INPP4B: variants seen among roughly 807,000 people sequenced by gnomAD.
INPP4B encodes inositol polyphosphate-4-phosphatase type II B, also known as inositol polyphosphate 4-phosphatase type II.
Under a neutral mutation model 122.5 loss-of-function variants are expected in INPP4B, and 55 were observed. The ratio of observed to expected loss-of-function variants is 0.45; its 90% CI spans 0.36 to 0.56. The LOEUF (loss-of-function observed/expected upper bound fraction) is 0.56, where lower values mean the gene tolerates loss of function less well. Among genes scored for constraint, INPP4B ranks in the 20% least tolerant of loss-of-function variants. The probability of loss-of-function intolerance (pLI) is 0.00; values close to 1 mark genes in which losing one functional copy is unlikely to be tolerated. For synonymous variants in INPP4B, 403 were observed against 388.7 expected (o/e 1.04, Z -0.43); for missense variants, 1,000 against 1,097.7 (o/e 0.91, Z 1.26).
At chr4:142,788,100 G>A (rs923601585) in intron 1 of INPP4B, among the ~76,000 whole-genome samples, 2 of 151,936 alleles carry the variant, frequency 1.3e-5, no homozygotes, top group African/African-American at 2.4e-5. Flanking sequence ...TCTCAAAAAC[G>A]CTGACCCATG....
At chr4:142,675,945 G>A (rs1757697554) in intron 2 of INPP4B, among the ~76,000 whole-genome samples, 1 of 152,134 alleles carries the variant, frequency 6.6e-6, no homozygotes, top group South Asian at 2.1e-4. Context: ...ACAAGACAAG[G>A]ATGCCCTCTC....
At chr4:142,588,537 T>C (rs1736724345) in intron 2 of INPP4B, among the ~76,000 whole-genome samples, 1 of 150,762 alleles carries the variant, frequency 6.6e-6, no homozygotes, top group African/African-American at 2.4e-5. Context: ...TTGAATTTCA[T>C]GTTAAACATT....
chr4:142,398,376 TAAAAAAAAAAAAA>T (rs1183246808), intron 7 of INPP4B, among the ~76,000 whole-genome samples: 1 of 8,868 alleles, frequency 1.1e-4, no homozygotes, highest in Non-Finnish European at 2.0e-4. Flanking sequence ...AGACTCTGTC[TAAAAAAAAAAAAA>T]AAAAAAAAAA....
intron 1 of INPP4B, among the ~76,000 whole-genome samples, chr4:142,792,586 G>A (rs1776708607): frequency 6.6e-6 from 1 of 151,790 alleles, no homozygotes; most frequent in African/African-American, 2.4e-5. Context: ...GTCTAAACAG[G>A]GACACTAATA....
At chr4:142,455,053 G>A (rs1039886220) in intron 3 of INPP4B, among the ~76,000 whole-genome samples, 6 of 151,714 alleles carry the variant, frequency 4.0e-5, no homozygotes, top group African/African-American at 1.2e-4. Flanking sequence ...GTACATAGTA[G>A]GTGTATGTAT....
At chr4:142,315,594 C>G (rs996867216) in intron 7 of INPP4B, among the ~76,000 whole-genome samples, 26 of 151,628 alleles carry the variant, frequency 1.7e-4, no homozygotes, top group African/African-American at 6.1e-4. Flanking sequence ...CAATGTACAG[C>G]TACTGACTCT....
At chr4:142,297,249 G>A (rs547371823) in intron 9 of INPP4B, among the ~76,000 whole-genome samples, 10 of 152,314 alleles carry the variant, frequency 6.6e-5, no homozygotes, top group African/African-American at 2.4e-4. Context: ...TGATGCCAGA[G>A]TGATTAAAGC....
intron 2 of INPP4B, among the ~76,000 whole-genome samples, chr4:142,670,167 A>T (rs2150627057): frequency 6.6e-6 from 1 of 152,280 alleles, no homozygotes; most frequent in East Asian, 1.9e-4. Context: ...TCAAAAAAAC[A>T]TAGTATGTGT....
Position 142,271,625 on chromosome 4 carries a change from G to C in INPP4B, c.504-851C>G, listed in dbSNP as rs983657333. Among the ~76,000 whole-genome samples the C allele has an allele frequency of 7.2e-5, 11 of 152,296 alleles. No homozygotes were observed. In the East Asian group the frequency reaches 2.1e-3, roughly 29 times the overall value. On this transcript the variant is annotated intron_variant, in intron 9 of 25. Coordinates refer to ENST00000262992, the MANE Select transcript of INPP4B (RefSeq NM_001101669.3). ...TCTCTCCTAGCAAACATAAGAACAT[G>C]TAAAGCAGAACATAACCCAAAGCTC...
chr4:142,270,690 G>T lies in INPP4B; in HGVS notation c.588C>A (p.His196Gln). Residue 196 changes from histidine to glutamine, a missense_variant, in exon 10 of 26, where the codon CAC becomes CAA. His to Gln is a conservative substitution (Grantham distance 24). Transcript: ENST00000262992. The part of the protein sequence containing the change: ...MGEIEDGEAD[H>Q]ITTDVQGQKC... Reference sequence around the variant, plus strand: ...TTTGTCCCTGTACATCTGTGGTGATGTGGTCGGCTTCCCCATCCTCAATCT... The same window carrying T: ...TTTGTCCCTGTACATCTGTGGTGATTTGGTCGGCTTCCCCATCCTCAATCT... The T allele has an allele frequency of 6.2e-7, 1 of 1,611,714 alleles. No individual in the cohort carries two copies. The highest frequency in any genetic ancestry group is 8.5e-7 in the Non-Finnish European group (1 of 1,177,880).
At chr4:142,165,729 T>G (rs1371631031) in intron 16 of INPP4B, among the ~76,000 whole-genome samples, 1 of 151,716 alleles carries the variant, frequency 6.6e-6, no homozygotes, top group African/African-American at 2.4e-5. Flanking sequence ...ACATTTCTCT[T>G]GAATCAATAA....
intron 23 of INPP4B, 74 bp downstream of exon 23, chr4:142,108,019 T>C (rs974237061): frequency 9.0e-6 from 7 of 777,618 alleles, no homozygotes; most frequent in African/African-American, 3.5e-5. Context: ...TCCACTGACC[T>C]CTATGTCTGA....
chr4:142,286,815 T>C (rs1355025360), intron 9 of INPP4B: 1 of 152,162 alleles, frequency 6.6e-6, no homozygotes, highest in Non-Finnish European at 1.5e-5. Flanking sequence ...TATAAAGTGG[T>C]GGTCACTTTT....
intron 1 of INPP4B, among the ~76,000 whole-genome samples, chr4:142,842,130 A>G (rs1216785325): frequency 6.6e-6 from 1 of 151,744 alleles, no homozygotes; most frequent in African/African-American, 2.4e-5. Flanking sequence ...AACTTCTCAA[A>G]ATTTCCTTTA....
chr4:142,732,877 G>T (rs1331022673), intron 1 of INPP4B, among the ~76,000 whole-genome samples: 1 of 152,000 alleles, frequency 6.6e-6, no homozygotes, highest in Non-Finnish European at 1.5e-5. Context: ...AGCCAAGGAA[G>T]ACAAAACTAG....
At chr4:142,607,944 T>C (rs1204497701) in intron 2 of INPP4B, among the ~76,000 whole-genome samples, 1 of 152,142 alleles carries the variant, frequency 6.6e-6, no homozygotes, top group Non-Finnish European at 1.5e-5. Flanking sequence ...GCTTCCTCTA[T>C]GGACAAAGAC....
chr4:142,413,801 T>C (rs578176210), intron 5 of INPP4B, among the ~76,000 whole-genome samples: 3 of 152,276 alleles, frequency 2.0e-5, no homozygotes, highest in Non-Finnish European at 4.4e-5. Context: ...ACCAATAGCT[T>C]AGTATTCAGC....
chr4:142,191,862 C>T (rs964640812), intron 15 of INPP4B, among the ~76,000 whole-genome samples: 17 of 151,838 alleles, frequency 1.1e-4, no homozygotes, highest in Non-Finnish European at 1.5e-5. Context: ...AATATTGTAC[C>T]AAAGTCAATT....
intron 2 of INPP4B, among the ~76,000 whole-genome samples, chr4:142,575,006 C>G (rs189322199): frequency 1.6e-4 from 25 of 152,172 alleles, no homozygotes; most frequent in Admixed American, 1.5e-3. Flanking sequence ...AATAACATTT[C>G]GCTAGCACTG....
Sources: gnomAD v4.1 joint callset for allele counts (sites outside exome capture counted in the v4.1 genomes callset) on GRCh38, gnomAD v4.1.1 for gene constraint, MANE v1.5 for transcripts, NCBI Gene and HGNC (gene_info 2026-07-23, HGNC 2026-07-21) for gene names.